KCTD16: variants seen among roughly 807,000 people sequenced by gnomAD.
KCTD16 encodes potassium channel tetramerization domain containing 16, also known as BTB/POZ domain-containing protein KCTD16.
KCTD16 carries 13 observed loss-of-function variants against 33.2 expected under a neutral mutation model. That is an observed-to-expected ratio of 0.39 (90% CI 0.25 to 0.62). KCTD16 has a LOEUF of 0.62. Among genes scored for constraint, KCTD16 ranks in the 20% least tolerant of loss-of-function variants. The probability of loss-of-function intolerance (pLI) is 0.50; values close to 1 mark genes in which losing one functional copy is unlikely to be tolerated. For missense variants in KCTD16, 441 were observed against 525.1 expected, an observed-to-expected ratio of 0.84 and a Z score of 1.57; for synonymous variants, 197 against 195.3, an observed-to-expected ratio of 1.01 and a Z score of -0.07.
chr5:144,473,830 C>T lies in KCTD16; in HGVS notation c.1003C>T (p.Arg335Cys), dbSNP rs760934349. 21 of 1,614,098 alleles carry T rather than the reference C, an allele frequency of 1.3e-5. No homozygotes were observed. The highest frequency in any genetic ancestry group is 1.7e-4 in the Middle Eastern group (1 of 6,060). The change falls in exon 4 of 4, where the codon CGC (arginine) becomes TGC (cysteine). Residue 335 changes from arginine (R) to cysteine (C), a missense_variant. Arg to Cys is a radical substitution (Grantham distance 180). Around this residue, in one of 3 missense-constraint regions of KCTD16, gnomAD observed 355 missense variants for 413.0 expected, o/e 0.86. Transcript: ENST00000512467. ...GACGGTCATCTGTGGTCCCGTGACA[C>T]GCCAGACCAACATCCAGACTCTGGA... ...QETVICGPVTRQTNIQTLDRP... is the reference protein window; with the variant it reads ...QETVICGPVTCQTNIQTLDRP...
At chr5:144,361,510 A>G (rs905626936) in intron 3 of KCTD16, among the ~76,000 whole-genome samples, 1 of 152,178 alleles carries the variant, frequency 6.6e-6, no homozygotes, top group Non-Finnish European at 1.5e-5. Flanking sequence ...AGTCTCCATG[A>G]TTTCAGGAAT....
At chr5:144,409,922 G>T (rs1752895129) in intron 3 of KCTD16, among the ~76,000 whole-genome samples, 1 of 152,136 alleles carries the variant, frequency 6.6e-6, no homozygotes, top group Non-Finnish European at 1.5e-5. Flanking sequence ...CCACAGGCAG[G>T]GCATCTAATG....
chr5:144,351,863 T>A (rs1751443227), intron 3 of KCTD16, among the ~76,000 whole-genome samples: 1 of 151,970 alleles, frequency 6.6e-6, no homozygotes, highest in Non-Finnish European at 1.5e-5. Context: ...AGTAGAATGG[T>A]GGTTATCAGA....
chr5:144,294,697 G>GTGGGC lies in KCTD16; in HGVS notation c.832+87151_832+87152insTGGGC, dbSNP rs1410565901. Among the ~76,000 whole-genome samples the GTGGGC allele has an allele frequency of 2.0e-5, 3 of 152,266 alleles. No individual in the cohort carries two copies. In the East Asian group the frequency reaches 5.8e-4, roughly 29 times the overall value. The stretch of plus-strand genomic sequence containing the variant: ...GCAAAATAGCTCAGTTAGAGCATGG[G>GTGGGC]ACAGAATTGAGTGGGCAGAACTGGG... On this transcript the variant is annotated intron_variant, in intron 3 of 3. Transcript: ENST00000512467.
chr5:144,414,310 C>T (rs909218226), intron 3 of KCTD16, among the ~76,000 whole-genome samples: 3 of 152,100 alleles, frequency 2.0e-5, no homozygotes, highest in Non-Finnish European at 2.9e-5. Flanking sequence ...GTGCTACATA[C>T]CCTCAGAACC....
In KCTD16 at chr5:144,206,483, C is replaced by A; in HGVS notation, c.-232C>A. The A allele has an allele frequency of 2.3e-6, 1 of 443,444 alleles. No homozygotes were observed. Among genetic ancestry groups the A allele is most frequent in the East Asian group, 3.3e-5 (1 of 30,636 alleles). The allele number at this position is 443,444 out of a possible 1,614,324, so 27.5% of individuals were successfully genotyped here. The stretch of plus-strand genomic sequence containing the variant: ...GAGTTGATTATATTTTATGAAGTAG[C>A]AGCTCACTACCATCCACCATCCAGG... On this transcript the variant is annotated 5_prime_UTR_variant, in exon 3 of 4. Transcript: ENST00000512467.
chr5:144,206,261 C>T (rs1385560869), intron 2 of KCTD16, 128 bp from the exon 3 acceptor site: 1 of 157,394 alleles, frequency 6.4e-6, no homozygotes, highest in East Asian at 1.9e-4. Context: ...AGTTCCAGAG[C>T]TGCTTATGTA....
chr5:144,373,188 G>A (rs775583477), intron 3 of KCTD16, among the ~76,000 whole-genome samples: 4 of 152,130 alleles, frequency 2.6e-5, no homozygotes, highest in Non-Finnish European at 5.9e-5. Context: ...GCTTTAAAGA[G>A]AGGATGGAGG....
At position 144,213,984 on chromosome 5, in the gene KCTD16, A is replaced by G. The variant is rs59488406; in HGVS notation, c.832+6438A>G. ...TGACTATGAGAATCATTTTGGGTAG[A>G]AAAGTTTGCCTTCTGGCTATTCTGA... On this transcript the variant is annotated intron_variant, in intron 3 of 3. Transcript: ENST00000512467. Among the ~76,000 whole-genome samples the G allele has an allele frequency of 5.3e-3, 813 of 152,290 alleles. 11 individuals carry two copies. The highest frequency in any genetic ancestry group is 0.019 in the African/African-American group (771 of 41,566).
intron 3 of KCTD16, among the ~76,000 whole-genome samples, chr5:144,351,074 A>T (rs990002822): frequency 1.3e-5 from 2 of 152,240 alleles, no homozygotes; most frequent in Non-Finnish European, 2.9e-5. Flanking sequence ...GTATGTATGT[A>T]TCTGGTAAAT....
chr5:144,434,325 G>A (rs17101884), intron 3 of KCTD16, among the ~76,000 whole-genome samples: 8,169 of 152,066 alleles, frequency 0.054, 760 homozygotes, highest in African/African-American at 0.19. Context: ...AGGTAGTCAC[G>A]TGCTTTTTAG....
chr5:144,345,033 T>C (rs2087494617), intron 3 of KCTD16, among the ~76,000 whole-genome samples: 1 of 151,660 alleles, frequency 6.6e-6, no homozygotes, highest in African/African-American at 2.4e-5. Flanking sequence ...CCATGAAAAA[T>C]GATGAGTTCA....
chr5:144,281,781 T>C (rs1755615658), intron 3 of KCTD16, among the ~76,000 whole-genome samples: 1 of 152,314 alleles, frequency 6.6e-6, no homozygotes, highest in East Asian at 1.9e-4. Flanking sequence ...GAGAGATAAG[T>C]GTTAAAGTTT....
chr5:144,441,692 A>C (rs1480690669), intron 3 of KCTD16, among the ~76,000 whole-genome samples: 1 of 151,520 alleles, frequency 6.6e-6, no homozygotes, highest in African/African-American at 2.4e-5. Context: ...GTCTATCCTT[A>C]TGTAGTACCA....
At chr5:144,349,487 A>G (rs1448694486) in intron 3 of KCTD16, among the ~76,000 whole-genome samples, 1 of 152,184 alleles carries the variant, frequency 6.6e-6, no homozygotes, top group African/African-American at 2.4e-5. Context: ...GAATATCACA[A>G]TCATTTCTTT....
At chr5:144,209,974 T>C (rs1561530283) in intron 3 of KCTD16, among the ~76,000 whole-genome samples, 1 of 150,990 alleles carries the variant, frequency 6.6e-6, no homozygotes, top group Admixed American at 6.6e-5. Flanking sequence ...CAGTCTTTTT[T>C]AATAACACAG....
intron 3 of KCTD16, among the ~76,000 whole-genome samples, chr5:144,394,057 G>T (rs1362221269): frequency 8.0e-5 from 12 of 149,836 alleles, no homozygotes; most frequent in African/African-American, 3.0e-4. Flanking sequence ...TTGATGATTG[G>T]CAGCTCCCCC....
In KCTD16 at chr5:144,367,664, T is replaced by C. The variant is rs1389422214; in HGVS notation, c.833-105996T>C. Among the ~76,000 whole-genome samples, 8 of 151,934 alleles carry C rather than the reference T, an allele frequency of 5.3e-5. No homozygotes were observed. The East Asian group carries it at 1.6e-3, about 29-fold the overall frequency. On this transcript the variant is annotated intron_variant, in intron 3 of 3. Coordinates refer to ENST00000512467, the MANE Select transcript of KCTD16 (RefSeq NM_020768.4). ...GTATCTTTCCCCCCATACTCTAGAA[T>C]TGTTTTATTTTTAATTCTTTCATTT...
At chr5:144,443,087 T>C (rs1439926621) in intron 3 of KCTD16, among the ~76,000 whole-genome samples, 2 of 152,146 alleles carry the variant, frequency 1.3e-5, no homozygotes, top group Non-Finnish European at 2.9e-5. Context: ...ATCAAGCTTC[T>C]GCAACCGGTG....
Sources: gnomAD v4.1 joint callset for allele counts (sites outside exome capture counted in the v4.1 genomes callset) on GRCh38, gnomAD v4.1.1 for gene constraint, gnomAD v4.1.1 regional missense constraint, MANE v1.5 for transcripts, NCBI Gene and HGNC (gene_info 2026-07-23, HGNC 2026-07-21) for gene names.